The following FHIT variants were observed in gnomAD, a reference collection of about 807,000 sequenced individuals.
The protein encoded by FHIT is fragile histidine triad diadenosine triphosphatase.
A neutral mutation model predicts 17.9 loss-of-function variants in FHIT; 19 were observed. The ratio of observed to expected loss-of-function variants is 1.06; its 90% CI spans 0.74 to 1.56. The LOEUF (loss-of-function observed/expected upper bound fraction) is 1.56, where lower values mean the gene tolerates loss of function less well. Among genes scored for constraint, FHIT ranks in the 40% most tolerant of loss-of-function variants. FHIT has a pLI of 0.00. For missense variants in FHIT, 248 were observed against 189.2 expected (o/e 1.31, Z -1.82); for synonymous variants, 81 against 69.7 (o/e 1.16, Z -0.81).
At chr3:59,954,161 G>C (rs768902297) in intron 7 of FHIT, among the ~76,000 whole-genome samples, 3 of 148,204 alleles carry the variant, frequency 2.0e-5, no homozygotes, top group African/African-American at 5.0e-5. Flanking sequence ...TTGCACTATT[G>C]TTTACAGCCA....
At chr3:60,316,575 T>G (rs1339493792) in intron 5 of FHIT, among the ~76,000 whole-genome samples, 1 of 152,182 alleles carries the variant, frequency 6.6e-6, no homozygotes, top group Non-Finnish European at 1.5e-5. Context: ...TCTGCCAGTT[T>G]CCTTGTCATT....
chr3:60,589,878 A>G (rs2038027530), intron 4 of FHIT, among the ~76,000 whole-genome samples: 1 of 152,068 alleles, frequency 6.6e-6, no homozygotes, highest in Non-Finnish European at 1.5e-5. Flanking sequence ...GAGAATGAAT[A>G]CATTGGCATT....
At chr3:61,189,358 T>C (rs2038635863) in intron 2 of FHIT, among the ~76,000 whole-genome samples, 1 of 152,026 alleles carries the variant, frequency 6.6e-6, no homozygotes, top group Admixed American at 6.6e-5. Flanking sequence ...ATAAAATACC[T>C]AGGAATCCAA....
intron 5 of FHIT, among the ~76,000 whole-genome samples, chr3:60,121,144 A>AG (rs1314063995): frequency 1.3e-5 from 2 of 152,284 alleles, no homozygotes; most frequent in East Asian, 3.9e-4. Flanking sequence ...TGGGCAATTT[A>AG]AACTACCCCT....
At chr3:60,578,297 T>C (rs2037637422) in intron 4 of FHIT, among the ~76,000 whole-genome samples, 2 of 151,852 alleles carry the variant, frequency 1.3e-5, no homozygotes, top group African/African-American at 4.8e-5. Context: ...ATTAGCTGAG[T>C]ATGGTGGTGT....
chr3:60,840,217 C>T (rs879981955), intron 3 of FHIT, among the ~76,000 whole-genome samples: 8 of 152,198 alleles, frequency 5.3e-5, no homozygotes, highest in Admixed American at 2.0e-4. Context: ...AATCCTCACC[C>T]AGGCAGGCCA....
intron 3 of FHIT, among the ~76,000 whole-genome samples, chr3:60,890,228 A>AAAAAAAAAAAAAAAAAC (rs1705445407): frequency 4.5e-5 from 1 of 22,148 alleles, no homozygotes. Flanking sequence ...ATGTAAAAAA[A>AAAAAAAAAAAAAAAAAC]AAAAAAAAAA....
rs979238868 is a variant in FHIT at position 60,987,394 on chromosome 3, T to G, written c.-111+54653A>C. Among the ~76,000 whole-genome samples, 9 of 152,296 alleles carry G rather than the reference T, an allele frequency of 5.9e-5. 1 individual carries two copies. Among genetic ancestry groups the G allele is most frequent in the African/African-American group, 1.2e-4 (5 of 41,578 alleles). On this transcript the variant is annotated intron_variant, in intron 3 of 9. Transcript: ENST00000492590. ...AGGGTGGAAAATCACTTAAAGGCAT[T>G]CTTAAGCCATGAACAATAGCATGAG...
chr3:59,950,561 G>GTTTTCTTTTC (rs71709785), intron 7 of FHIT, among the ~76,000 whole-genome samples: 13 of 150,420 alleles, frequency 8.6e-5, no homozygotes, highest in South Asian at 2.1e-4. Context: ...TTGTTTACTT[G>GTTTTCTTTTC]TTTTCTTTTC....
At chr3:60,194,104 A>G (rs1269751715) in intron 5 of FHIT, among the ~76,000 whole-genome samples, 1 of 152,236 alleles carries the variant, frequency 6.6e-6, no homozygotes, top group African/African-American at 2.4e-5. Context: ...AAGTTCGCAT[A>G]TGGAACCAAA....
At chr3:60,888,040 C>T (rs567134984) in intron 3 of FHIT, among the ~76,000 whole-genome samples, 1 of 152,046 alleles carries the variant, frequency 6.6e-6, no homozygotes, top group South Asian at 2.1e-4. Context: ...TCCAAAGAAA[C>T]AACAAGTTGG....
chr3:60,196,989 T>C (rs1559718907), intron 5 of FHIT, among the ~76,000 whole-genome samples: 1 of 152,158 alleles, frequency 6.6e-6, no homozygotes, highest in South Asian at 2.1e-4. Flanking sequence ...AACATGTAGA[T>C]TACTGCACCC....
At chr3:59,927,977 C>T (rs908460331) in intron 7 of FHIT, among the ~76,000 whole-genome samples, 1 of 152,156 alleles carries the variant, frequency 6.6e-6, no homozygotes, top group African/African-American at 2.4e-5. Context: ...TATCGATATC[C>T]TTTTTCCTTG....
At chr3:61,207,414 C>T (rs1474441964) in intron 1 of FHIT, among the ~76,000 whole-genome samples, 2 of 152,098 alleles carry the variant, frequency 1.3e-5, no homozygotes, top group African/African-American at 4.8e-5. Context: ...CTCCTTGTAC[C>T]TCTGGTAGAA....
At chr3:60,153,521 A>G (rs1283874325) in intron 5 of FHIT, among the ~76,000 whole-genome samples, 1 of 152,182 alleles carries the variant, frequency 6.6e-6, no homozygotes, top group East Asian at 1.9e-4. Flanking sequence ...TTTCTACAAA[A>G]TTCTTCATTA....
At chr3:60,697,923 T>A (rs2041151278) in intron 4 of FHIT, among the ~76,000 whole-genome samples, 1 of 152,226 alleles carries the variant, frequency 6.6e-6, no homozygotes, top group African/African-American at 2.4e-5. Flanking sequence ...GTGTCGTTTT[T>A]ATGTGCATTT....
At chr3:60,907,439 T>A (rs981987065) in intron 3 of FHIT, among the ~76,000 whole-genome samples, 1 of 152,128 alleles carries the variant, frequency 6.6e-6, no homozygotes, top group Non-Finnish European at 1.5e-5. Flanking sequence ...CTAAGTGAAA[T>A]GTGTAATCCT....
chr3:60,610,206 G>A (rs1403159071), intron 4 of FHIT, among the ~76,000 whole-genome samples: 1 of 152,118 alleles, frequency 6.6e-6, no homozygotes, highest in African/African-American at 2.4e-5. Context: ...GTTAAAAAAT[G>A]CCTTTTTATT....
Position 60,816,322 on chromosome 3 carries a change from C to T in FHIT, c.-18+5597G>A, listed in dbSNP as rs186159310. Among the ~76,000 whole-genome samples the T allele has an allele frequency of 2.6e-3, 391 of 151,994 alleles. 5 individuals carry two copies. The highest frequency in any genetic ancestry group is 3.4e-3 in the Middle Eastern group (1 of 294). Reference sequence around the variant, plus strand: ...TGGGCATCTTTGTCTTGTTCCAGTTCGCAAGGGTAATGCTTTCAGTTTTTG... The same window carrying T: ...TGGGCATCTTTGTCTTGTTCCAGTTTGCAAGGGTAATGCTTTCAGTTTTTG... On this transcript the variant is annotated intron_variant, in intron 4 of 9. Coordinates refer to ENST00000492590, the MANE Select transcript of FHIT (RefSeq NM_002012.4).
Sources: allele counts gnomAD v4.1 joint callset (sites outside exome capture counted in the v4.1 genomes callset), GRCh38; gene constraint gnomAD v4.1.1; transcripts MANE v1.5; gene names NCBI Gene and HGNC (gene_info 2026-07-23, HGNC 2026-07-21).